Variants in VPS41 observed in about 807,000 individuals in gnomAD.
VPS41 encodes the protein VPS41 subunit of HOPS complex.
In VPS41, 85 loss-of-function variants were observed where a neutral mutation model predicts 130.9. The ratio of observed to expected loss-of-function variants is 0.65; its 90% confidence interval spans 0.55 to 0.78. The LOEUF is 0.78. VPS41 is among the 30% of genes least tolerant of loss of function. The probability of loss-of-function intolerance (pLI) is 0.00; values close to 1 mark genes in which losing one functional copy is unlikely to be tolerated. For synonymous variants in VPS41, 335 were observed against 332.9 expected (o/e 1.01, Z -0.07); for missense variants, 874 against 1,018.7 (o/e 0.86, Z 1.93).
At chr7:38,848,043 T>C (rs1170143804) in intron 4 of VPS41, among the ~76,000 whole-genome samples, 2 of 152,208 alleles carry the variant, frequency 1.3e-5, no homozygotes, top group Admixed American at 1.3e-4. Context: ...TTGACTCTAC[T>C]TCCACCACAG....
At chr7:38,758,905 T>G (rs1389689072) in intron 17 of VPS41, among the ~76,000 whole-genome samples, 1 of 152,136 alleles carries the variant, frequency 6.6e-6, no homozygotes, top group Non-Finnish European at 1.5e-5. Context: ...TGGAGGTTCC[T>G]GGAGGGTGGT....
At chr7:38,883,136 G>A (rs536140514) in intron 2 of VPS41, among the ~76,000 whole-genome samples, 15 of 152,288 alleles carry the variant, frequency 9.8e-5, no homozygotes, top group African/African-American at 2.6e-4. Context: ...CTAGCTATTC[G>A]AGAGGCTGAG....
chr7:38,747,457 C>T (rs10271176), intron 22 of VPS41, among the ~76,000 whole-genome samples: 98,434 of 152,084 alleles, frequency 0.65, 33,079 homozygotes, highest in Admixed American at 0.78. Flanking sequence ...AGCATTTATG[C>T]TGCTTAAAAT....
chr7:38,881,387 T>G (rs570712450), intron 2 of VPS41, among the ~76,000 whole-genome samples: 19 of 152,324 alleles, frequency 1.2e-4, no homozygotes, highest in Non-Finnish European at 2.5e-4. Context: ...ACTGGCCCTG[T>G]CCAGATAATC....
intron 1 of VPS41, 137 bp from the exon 2 acceptor site, chr7:38,898,266 A>G: frequency 4.6e-6 from 3 of 654,568 alleles, no homozygotes; most frequent in Non-Finnish European, 7.9e-6. Context: ...ACTTTAGAGG[A>G]CCACATGCTC....
intron 10 of VPS41, among the ~76,000 whole-genome samples, chr7:38,784,589 T>C (rs1365325657): frequency 6.9e-6 from 1 of 144,176 alleles, no homozygotes; most frequent in Non-Finnish European, 1.5e-5. Flanking sequence ...AAGGCGTGAT[T>C]ATGCCACTGC....
intron 5 of VPS41, among the ~76,000 whole-genome samples, chr7:38,828,269 G>A (rs1329850583): frequency 4.0e-5 from 6 of 151,392 alleles, no homozygotes; most frequent in Admixed American, 1.3e-4. Flanking sequence ...GCACACATAC[G>A]ATATGTGTGT....
chr7:38,728,780 A>G lies in VPS41; in HGVS notation c.2271T>C (p.Arg757=). 1 of 1,614,138 alleles carries G rather than the reference A, an allele frequency of 6.2e-7. No individual in the cohort carries two copies. ...LQDYNLQILL[R]EGCKKILVAD... is the part of the protein sequence containing the mutation. The stretch of plus-strand genomic sequence containing the variant: ...CTACGAGAATCTTCTTGCAGCCTTC[A>G]CGAAGCAGAATCTAATGCATACATT... Residue 757 remains arginine (R), a synonymous_variant, in exon 26 of 29, where the codon CGT becomes CGC. Coordinates refer to ENST00000310301, the MANE Select transcript of VPS41 (RefSeq NM_014396.4).
intron 5 of VPS41, among the ~76,000 whole-genome samples, chr7:38,824,344 T>C (rs768575032): frequency 2.0e-5 from 3 of 152,174 alleles, no homozygotes; most frequent in African/African-American, 4.8e-5. Flanking sequence ...AAACTCAAAC[T>C]TTCTGGTGAG....
chr7:38,774,362 AG>A, intron 11 of VPS41, 118 bp from the exon 12 acceptor site: 1 of 879,778 alleles, frequency 1.1e-6, no homozygotes, highest in Non-Finnish European at 1.6e-6. Flanking sequence ...GAAATACCCA[AG>A]ACTGGGTAAT....
chr7:38,768,546 CCAT>C (rs1309319495), intron 14 of VPS41, among the ~76,000 whole-genome samples: 7 of 152,022 alleles, frequency 4.6e-5, no homozygotes, highest in Non-Finnish European at 7.4e-5. Context: ...AGCAAAATAC[CCAT>C]CATTTTTAGT....
intron 2 of VPS41, among the ~76,000 whole-genome samples, chr7:38,897,194 CA>C (rs60717646): frequency 2.8e-4 from 33 of 116,134 alleles, no homozygotes; most frequent in South Asian, 1.1e-3. Flanking sequence ...AACTCTGTCT[CA>C]AAAAAAAAAA....
At position 38,805,851 on chromosome 7, in the gene VPS41, A is replaced by G. The variant is rs534399422; in HGVS notation, c.451-8987T>C. ...TAATGCCTCCCTGGGAACAACAATA[A>G]TTATTCCAGATTTGGCCAAAATTGG... is the stretch of plus-strand genomic sequence containing the variant. On this transcript the variant is annotated intron_variant, in intron 7 of 28. Transcript: ENST00000310301. Among the ~76,000 whole-genome samples the G allele has an allele frequency of 3.3e-5, 5 of 152,300 alleles. No homozygotes were observed. The South Asian group carries it at 1.0e-3, about 32-fold the overall frequency.
intron 10 of VPS41, among the ~76,000 whole-genome samples, chr7:38,778,571 G>A (rs1784301139): frequency 6.6e-6 from 1 of 152,184 alleles, no homozygotes; most frequent in Admixed American, 6.5e-5. Flanking sequence ...ACTAATCTCT[G>A]ACTGGTAGAA....
At position 38,726,263 on chromosome 7, in the gene VPS41, A is replaced by G. The variant is rs772181817; in HGVS notation, c.2548T>C (p.Leu850=). 1 of 1,609,028 alleles carries G rather than the reference A, an allele frequency of 6.2e-7. No individual in the cohort carries two copies. Among genetic ancestry groups the G allele is most frequent in the Non-Finnish European group, 8.5e-7 (1 of 1,176,380 alleles). The change falls in exon 29 of 29, where the codon TTG becomes CTG. Residue 850 remains leucine, a synonymous_variant. Coordinates refer to ENST00000310301, the MANE Select transcript of VPS41 (RefSeq NM_014396.4). ...AKNRGPGSAI[L]EMKK ...GAAATGAGCTATTTTTTCATCTCCA[A>G]AATTGCACTTCCTGGTCCACGGTTC... is the stretch of plus-strand genomic sequence containing the variant.
At chr7:38,889,321 T>G (rs116581999) in intron 2 of VPS41, among the ~76,000 whole-genome samples, 88 of 149,296 alleles carry the variant, frequency 5.9e-4, no homozygotes, top group African/African-American at 2.1e-3. Context: ...AAGAAATTCA[T>G]GCCCAAAGAC....
At chr7:38,896,728 G>A (rs911453700) in intron 2 of VPS41, among the ~76,000 whole-genome samples, 1 of 152,140 alleles carries the variant, frequency 6.6e-6, no homozygotes, top group Non-Finnish European at 1.5e-5. Context: ...ATTCACATAA[G>A]CTTATGCAGT....
intron 4 of VPS41, among the ~76,000 whole-genome samples, chr7:38,848,616 T>C (rs2116253772): frequency 6.6e-6 from 1 of 152,346 alleles, no homozygotes; most frequent in Non-Finnish European, 1.5e-5. Context: ...TATTCGTTCA[T>C]ATAATTCTCA....
intron 22 of VPS41, among the ~76,000 whole-genome samples, chr7:38,747,669 T>C (rs1362060173): frequency 6.6e-6 from 1 of 152,224 alleles, no homozygotes; most frequent in East Asian, 1.9e-4. Flanking sequence ...CAGCAGCCAC[T>C]TGCTCTATGT....
Sources: allele counts gnomAD v4.1 joint callset (sites outside exome capture counted in the v4.1 genomes callset), GRCh38; gene constraint gnomAD v4.1.1; transcripts MANE v1.5; gene names NCBI Gene and HGNC (gene_info 2026-07-23, HGNC 2026-07-21).